The following ADD3 variants were observed in gnomAD, a reference collection of about 807,000 sequenced individuals.
ADD3 encodes gamma-adducin.
In ADD3, 25 loss-of-function variants were observed where a neutral mutation model predicts 80.2. That is an observed-to-expected ratio of 0.31 (90% CI 0.23 to 0.44). ADD3 has a LOEUF of 0.44. Among genes scored for constraint, ADD3 ranks in the 20% least tolerant of loss-of-function variants. The pLI is 1.00. For synonymous variants in ADD3, 284 were observed against 289.6 expected (o/e 0.98, Z 0.20); for missense variants, 829 against 847.5 (o/e 0.98, Z 0.27).
chr10:110,117,513 G>A lies in ADD3; in HGVS notation c.567+91G>A, dbSNP rs1055364270. The A allele has an allele frequency of 2.8e-5, 21 of 744,688 alleles. No homozygotes were observed. The Middle Eastern group carries it at 1.2e-3, about 42-fold the overall frequency. 46.1% of individuals were successfully genotyped at this position (744,688 alleles called of 1,614,324 possible). ...TTTTAGCACAGGACAGAATAAGAAG[G>A]TATGGATGGAAAAACATTTACTAGT... is the stretch of plus-strand genomic sequence containing the variant. On this transcript the variant is annotated intron_variant, in intron 5 of 14. Coordinates refer to ENST00000356080, the MANE Select transcript of ADD3 (RefSeq NM_016824.5).
chr10:110,114,037 A>G (rs1437821465), intron 3 of ADD3, among the ~76,000 whole-genome samples: 1 of 152,218 alleles, frequency 6.6e-6, no homozygotes, highest in East Asian at 1.9e-4. Flanking sequence ...CAGAAATAGT[A>G]AAAGAAGCTG....
chr10:110,067,109 T>A (rs1844048782), intron 1 of ADD3, among the ~76,000 whole-genome samples: 1 of 152,184 alleles, frequency 6.6e-6, no homozygotes, highest in Admixed American at 6.5e-5. Flanking sequence ...TAGTGCCTTT[T>A]AAAAAAATTC....
chr10:110,108,673 T>TA (rs1849651508), intron 2 of ADD3, among the ~76,000 whole-genome samples: 2 of 151,816 alleles, frequency 1.3e-5, no homozygotes, highest in Admixed American at 1.3e-4. Flanking sequence ...ATATTAGTCT[T>TA]ATATTAGTAA....
chr10:110,122,343 G>C (rs553347575), intron 9 of ADD3, 51 bp downstream of exon 9: 2 of 1,524,416 alleles, frequency 1.3e-6, no homozygotes, highest in Non-Finnish European at 1.8e-6. Flanking sequence ...TCAGATTCAA[G>C]AGCAGATGCT....
chr10:110,086,281 G>A, intron 1 of ADD3, among the ~76,000 whole-genome samples: 1 of 151,542 alleles, frequency 6.6e-6, no homozygotes, highest in East Asian at 1.9e-4. Context: ...ATGGTGGCAC[G>A]TGCCTGTAGT....
Position 110,118,471 on chromosome 10 carries a change from A to G in ADD3, c.568-116A>G. 1.2e-5 allele frequency: 10 copies of G among 851,612 alleles called. No homozygotes were observed. In the Admixed American group the frequency reaches 2.2e-4, roughly 19 times the overall value. The allele number at this position is 851,612 out of a possible 1,614,324, so 52.8% of individuals were successfully genotyped here. On this transcript the variant is annotated intron_variant, in intron 5 of 14. Coordinates refer to ENST00000356080, the MANE Select transcript of ADD3 (RefSeq NM_016824.5). ...ATTGCAGCAGAGGCCCACAAAGTCCAAAATATTTGCTATCTGACCTTTTAC... is the reference window on the plus strand; with the variant it reads ...ATTGCAGCAGAGGCCCACAAAGTCCGAAATATTTGCTATCTGACCTTTTAC...
intron 8 of ADD3, among the ~76,000 whole-genome samples, chr10:110,121,516 C>T (rs766003122): frequency 5.9e-5 from 9 of 152,014 alleles, no homozygotes; most frequent in Non-Finnish European, 1.2e-4. Context: ...AGCAAATTCT[C>T]ATGAAGCAAA....
At chr10:110,035,878 G>T (rs556620863) in intron 1 of ADD3, among the ~76,000 whole-genome samples, 1 of 152,098 alleles carries the variant, frequency 6.6e-6, no homozygotes, top group Non-Finnish European at 1.5e-5. Flanking sequence ...TCTGCCAGGC[G>T]CGGTGGCTCA....
At chr10:110,056,511 T>C (rs1261683296) in intron 1 of ADD3, among the ~76,000 whole-genome samples, 1 of 152,224 alleles carries the variant, frequency 6.6e-6, no homozygotes, top group Non-Finnish European at 1.5e-5. Flanking sequence ...TTTCTCCTTA[T>C]CACAAACAGT....
chr10:110,059,012 T>G (rs1858550968), intron 1 of ADD3, among the ~76,000 whole-genome samples: 1 of 152,242 alleles, frequency 6.6e-6, no homozygotes, highest in African/African-American at 2.4e-5. Flanking sequence ...AAAAATTACA[T>G]TAGATCCATT....
chr10:110,035,000 C>A (rs193171631), intron 1 of ADD3, among the ~76,000 whole-genome samples: 2 of 152,286 alleles, frequency 1.3e-5, no homozygotes, highest in Admixed American at 6.5e-5. Flanking sequence ...TTGCCATTAA[C>A]CCTCAAACCA....
intron 1 of ADD3, among the ~76,000 whole-genome samples, chr10:110,083,890 T>G (rs1487570601): frequency 6.6e-6 from 1 of 152,194 alleles, no homozygotes; most frequent in Non-Finnish European, 1.5e-5. Context: ...ACAGAACCTT[T>G]CCTAGACAAT....
chr10:110,059,752 G>C (rs1589922342), intron 1 of ADD3, among the ~76,000 whole-genome samples: 1 of 152,180 alleles, frequency 6.6e-6, no homozygotes, highest in Non-Finnish European at 1.5e-5. Flanking sequence ...CTGGGTGACA[G>C]AGCGAGACTC....
intron 1 of ADD3, among the ~76,000 whole-genome samples, chr10:110,068,112 G>C (rs7915781): frequency 0.93 from 142,229 of 152,192 alleles, 66,687 homozygotes; most frequent in East Asian, 1. Context: ...GTGGCCCAGC[G>C]TCTTTGGCTG....
At chr10:110,038,069 CAA>C (rs754609555) in intron 1 of ADD3, among the ~76,000 whole-genome samples, 1,568 of 43,802 alleles carry the variant, frequency 0.036, 13 homozygotes, top group African/African-American at 0.09. Context: ...AACTCCGTCT[CAA>C]AAAAAAAAAA....
chr10:110,024,267 G>A (rs527739445), intron 1 of ADD3, among the ~76,000 whole-genome samples: 5 of 152,334 alleles, frequency 3.3e-5, no homozygotes, highest in Admixed American at 6.5e-5. Context: ...ATTACAGGAA[G>A]TCATTGTGCC....
rs573179404 is a variant in ADD3 at position 110,049,720 on chromosome 10, T to A, written c.-30+41421T>A. ...GGCTAACACGGTGAAACCCCGTCTC[T>A]ACTAAAAATACAAAAAATTAGCTGG... is the stretch of plus-strand genomic sequence containing the variant. On this transcript the variant is annotated intron_variant, in intron 1 of 14. Transcript: ENST00000356080. 5.9e-5 allele frequency among the ~76,000 whole-genome samples: 9 copies of A among 152,092 alleles called. No homozygotes were observed. The East Asian group carries it at 7.8e-4, about 13-fold the overall frequency.
At chr10:110,018,692 A>G (rs916292043) in intron 1 of ADD3, among the ~76,000 whole-genome samples, 14 of 152,186 alleles carry the variant, frequency 9.2e-5, no homozygotes, top group Admixed American at 6.5e-4. Flanking sequence ...TTCTTTTTCT[A>G]TAGCATGATG....
chr10:110,040,077 C>T (rs1564878106), intron 1 of ADD3, among the ~76,000 whole-genome samples: 2 of 152,196 alleles, frequency 1.3e-5, no homozygotes, highest in South Asian at 2.1e-4. Flanking sequence ...GAAGGGACTA[C>T]ACATGGTTGT....
Sources: allele counts gnomAD v4.1 joint callset (sites outside exome capture counted in the v4.1 genomes callset), GRCh38; gene constraint gnomAD v4.1.1; transcripts MANE v1.5; gene names NCBI Gene and HGNC (gene_info 2026-07-23, HGNC 2026-07-21).